The following SAMTOR variants were observed in gnomAD, a reference collection of about 807,000 sequenced individuals.
SAMTOR encodes the protein S-adenosylmethionine sensor upstream of mTORC1, also known as UPF0532 protein C7orf60.
chr7:112,905,795 T>TAC, the SAMTOR span, among the ~76,000 whole-genome samples: 3 of 151,994 alleles, frequency 2.0e-5, no homozygotes, highest in African/African-American at 7.2e-5. Flanking sequence ...TATATATATA[T>TAC]ACACACATCA....
At chr7:112,896,182 T>G in the SAMTOR span, among the ~76,000 whole-genome samples, 1 of 151,914 alleles carries the variant, frequency 6.6e-6, no homozygotes, top group Non-Finnish European at 1.5e-5. Flanking sequence ...AAAGTCAGGG[T>G]GAGTGTGCGT....
chr7:112,838,414 T>C, the SAMTOR span, among the ~76,000 whole-genome samples: 1 of 151,914 alleles, frequency 6.6e-6, no homozygotes, highest in African/African-American at 2.4e-5. Context: ...GAATAATCTC[T>C]GCAAATTGAT....
the SAMTOR span, among the ~76,000 whole-genome samples, chr7:112,837,672 G>GT: frequency 2.6e-5 from 4 of 151,848 alleles, no homozygotes; most frequent in Non-Finnish European, 5.9e-5. Context: ...CTGAGGATTT[G>GT]TTTTATATGT....
the SAMTOR span, chr7:112,819,914 G>T: frequency 6.6e-6 from 1 of 152,370 alleles, no homozygotes; most frequent in South Asian, 2.1e-4. Flanking sequence ...TACCAAAATA[G>T]TTCAAAAGAG....
At chr7:112,902,451 A>AAAAAAAAAC in the SAMTOR span, among the ~76,000 whole-genome samples, 1 of 142,574 alleles carries the variant, frequency 7.0e-6, no homozygotes. Context: ...AAAAAAAACA[A>AAAAAAAAAC]AAAAAAAAAC....
chr7:112,903,667 C>T, the SAMTOR span, among the ~76,000 whole-genome samples: 2 of 151,860 alleles, frequency 1.3e-5, no homozygotes, highest in Admixed American at 1.3e-4. Context: ...CAGCAGAGAG[C>T]AAGAGAGAAA....
At chr7:112,889,941 T>C in the SAMTOR span, among the ~76,000 whole-genome samples, 1 of 152,110 alleles carries the variant, frequency 6.6e-6, no homozygotes, top group Admixed American at 6.5e-5. Context: ...GCAGTGTCAG[T>C]AAAAGCAGCA....
the SAMTOR span, among the ~76,000 whole-genome samples, chr7:112,873,700 A>G: frequency 2.0e-5 from 3 of 152,274 alleles, no homozygotes; most frequent in African/African-American, 2.4e-5. Context: ...CTACAAAAAC[A>G]AAAACTGACA....
chr7:112,892,158 T>C, the SAMTOR span, among the ~76,000 whole-genome samples: 3 of 152,216 alleles, frequency 2.0e-5, no homozygotes, highest in African/African-American at 7.2e-5. Flanking sequence ...GACACTTCCT[T>C]TGCTCATCCA....
At chr7:112,881,648 T>G in the SAMTOR span, among the ~76,000 whole-genome samples, 1 of 152,164 alleles carries the variant, frequency 6.6e-6, no homozygotes, top group Non-Finnish European at 1.5e-5. Context: ...CAGGACTGCC[T>G]GCCTACAGAA....
the SAMTOR span, among the ~76,000 whole-genome samples, chr7:112,823,936 C>T: frequency 8.5e-5 from 13 of 152,214 alleles, no homozygotes; most frequent in African/African-American, 2.2e-4. Context: ...CATCTTTTCC[C>T]GGACTTATTT....
chr7:112,838,138 T>C, the SAMTOR span, among the ~76,000 whole-genome samples: 2 of 151,926 alleles, frequency 1.3e-5, no homozygotes, highest in South Asian at 4.1e-4. Flanking sequence ...ATAGCTCACC[T>C]TGTTGGACCT....
the SAMTOR span, among the ~76,000 whole-genome samples, chr7:112,823,303 AG>A: frequency 6.6e-6 from 1 of 152,130 alleles, no homozygotes; most frequent in Non-Finnish European, 1.5e-5. Flanking sequence ...ATAAGTTGTG[AG>A]GTATTTTTAC....
chr7:112,917,925 C>G, the SAMTOR span, among the ~76,000 whole-genome samples: 23 of 152,240 alleles, frequency 1.5e-4, no homozygotes, highest in Admixed American at 1.4e-3. Flanking sequence ...ATGAACAAAG[C>G]CTCCAAGAAA....
At chr7:112,908,414 A>G in the SAMTOR span, among the ~76,000 whole-genome samples, 2 of 152,188 alleles carry the variant, frequency 1.3e-5, no homozygotes, top group African/African-American at 4.8e-5. Flanking sequence ...CTATACCTTC[A>G]GCACTCATGG....
chr7:112,934,437 G>C, the SAMTOR span, among the ~76,000 whole-genome samples: 1 of 152,136 alleles, frequency 6.6e-6, no homozygotes, highest in African/African-American at 2.4e-5. Flanking sequence ...CAAAGTGTAT[G>C]CTAATAGCTA....
the SAMTOR span, among the ~76,000 whole-genome samples, chr7:112,823,209 T>C: frequency 6.6e-6 from 1 of 152,260 alleles, no homozygotes; most frequent in South Asian, 2.1e-4. Context: ...AATGTTCTAG[T>C]ACCTGAAAAA....
At chr7:112,912,277 T>C in the SAMTOR span, among the ~76,000 whole-genome samples, 21 of 152,014 alleles carry the variant, frequency 1.4e-4, no homozygotes, top group African/African-American at 4.8e-4. Flanking sequence ...TATATATTTC[T>C]CTGTATTTAA....
At chr7:112,934,041 T>C in the SAMTOR span, among the ~76,000 whole-genome samples, 2 of 152,122 alleles carry the variant, frequency 1.3e-5, no homozygotes, top group African/African-American at 2.4e-5. Flanking sequence ...TAATTTTACG[T>C]TTTCTTGAGG....
Sources: allele counts gnomAD v4.1 joint callset (sites outside exome capture counted in the v4.1 genomes callset), GRCh38; gene constraint gnomAD v4.1.1; transcripts MANE v1.5; gene names NCBI Gene and HGNC (gene_info 2026-07-23, HGNC 2026-07-21).